The following ANXA8 variants were observed in gnomAD, a reference collection of about 807,000 sequenced individuals.
ANXA8 encodes the protein annexin A8, also known as VAC-beta.
In ANXA8, 9 loss-of-function variants were observed where a neutral mutation model predicts 26.8. That is an observed-to-expected ratio of 0.34 (90% CI 0.20 to 0.59). The LOEUF is 0.59. Ranked by LOEUF, ANXA8 falls within the 20% of genes least tolerant of loss-of-function variation. The pLI is 0.84. For synonymous variants in ANXA8, 39 were observed against 94.8 expected (o/e 0.41, Z 3.42); for missense variants, 83 against 238.5 (o/e 0.35, Z 4.29).
chr10:47,746,451 T>C, the ANXA8 span, among the ~76,000 whole-genome samples: 4 of 63,016 alleles, frequency 6.3e-5, no homozygotes, highest in African/African-American at 9.6e-5. Flanking sequence ...GATCATGCCA[T>C]TGCACTCCAG....
At chr10:47,985,126 TA>T in the ANXA8 span, among the ~76,000 whole-genome samples, 9 of 144,208 alleles carry the variant, frequency 6.2e-5, no homozygotes, top group East Asian at 6.1e-4. Context: ...AACTCAACAG[TA>T]AAAAAAAAAA....
At chr10:47,636,385 T>G in the ANXA8 span, among the ~76,000 whole-genome samples, 857 of 142,928 alleles carry the variant, frequency 6.0e-3, 12 homozygotes, top group Non-Finnish European at 5.3e-3. Context: ...AAAAAGAAAA[T>G]CATGTTTCTG....
At chr10:47,651,729 T>C in the ANXA8 span, among the ~76,000 whole-genome samples, 3 of 151,518 alleles carry the variant, frequency 2.0e-5, no homozygotes, top group African/African-American at 7.3e-5. Context: ...ACCCCATCTC[T>C]ACTAAAAATA....
chr10:47,952,339 A>G, the ANXA8 span, among the ~76,000 whole-genome samples: 1 of 151,232 alleles, frequency 6.6e-6, no homozygotes, highest in Admixed American at 6.6e-5. Context: ...GAATCCATTC[A>G]TAGAAGAAAT....
chr10:47,488,614 T>G (rs1485322492), upstream of ANXA8, among the ~76,000 whole-genome samples: 1 of 150,304 alleles, frequency 6.7e-6, no homozygotes, highest in Non-Finnish European at 1.5e-5. Flanking sequence ...GGAATCTATT[T>G]TGTTGAAAAG....
the ANXA8 span, among the ~76,000 whole-genome samples, chr10:47,594,034 C>G: frequency 1.4e-5 from 2 of 146,570 alleles, no homozygotes; most frequent in Non-Finnish European, 3.0e-5. Flanking sequence ...GGACTTACAC[C>G]AGTGGTTTGC....
chr10:47,768,476 C>A, the ANXA8 span, among the ~76,000 whole-genome samples: 1 of 151,114 alleles, frequency 6.6e-6, no homozygotes, highest in East Asian at 2.0e-4. Flanking sequence ...GGCTGAGAAC[C>A]TGCTGGACAA....
chr10:47,652,083 T>C, the ANXA8 span, among the ~76,000 whole-genome samples: 3 of 151,500 alleles, frequency 2.0e-5, no homozygotes, highest in Non-Finnish European at 2.9e-5. Context: ...ATGAAATGTT[T>C]AGAACAGGAA....
chr10:47,681,930 C>T, the ANXA8 span, among the ~76,000 whole-genome samples: 8 of 124,400 alleles, frequency 6.4e-5, no homozygotes, highest in South Asian at 1.7e-3. Flanking sequence ...CGACCTTAGG[C>T]GTGACATTGG....
At chr10:47,900,666 G>T in the ANXA8 span, among the ~76,000 whole-genome samples, 158 of 105,540 alleles carry the variant, frequency 1.5e-3, no homozygotes, top group African/African-American at 5.2e-3. Context: ...TGATAAAATG[G>T]TTTTTTTTTT....
At chr10:47,626,808 A>T in the ANXA8 span, among the ~76,000 whole-genome samples, 18 of 150,300 alleles carry the variant, frequency 1.2e-4, no homozygotes, top group Non-Finnish European at 2.2e-4. Context: ...AGGTAATCAG[A>T]GGAAGGAAGA....
the ANXA8 span, among the ~76,000 whole-genome samples, chr10:47,604,591 AT>A: frequency 6.6e-6 from 1 of 150,798 alleles, no homozygotes; most frequent in South Asian, 2.1e-4. Flanking sequence ...CTGAGATTTA[AT>A]CCAGTAGTCT....
chr10:47,649,396 G>C, the ANXA8 span, among the ~76,000 whole-genome samples: 8,660 of 150,646 alleles, frequency 0.057, 600 homozygotes, highest in African/African-American at 0.2. Context: ...AGATAAATTG[G>C]ACTTTATTAA....
the ANXA8 span, among the ~76,000 whole-genome samples, chr10:47,967,206 C>T: frequency 6.7e-6 from 1 of 150,304 alleles, no homozygotes; most frequent in South Asian, 2.1e-4. Context: ...CCTGGCCTCA[C>T]TCTCCAGAGG....
chr10:47,948,005 T>G, the ANXA8 span, among the ~76,000 whole-genome samples: 2 of 150,984 alleles, frequency 1.3e-5, 1 homozygote, highest in East Asian at 4.1e-4. Flanking sequence ...GAAAATCTGG[T>G]GCGTTCAGTT....
At chr10:47,652,215 G>T in the ANXA8 span, among the ~76,000 whole-genome samples, 1 of 151,988 alleles carries the variant, frequency 6.6e-6, no homozygotes, top group African/African-American at 2.4e-5. Flanking sequence ...AATTAGTGTA[G>T]ATGGTTGCAA....
At chr10:47,918,356 G>GGAGAGAGAGAGAGAGAGA in the ANXA8 span, among the ~76,000 whole-genome samples, 1 of 17,744 alleles carries the variant, frequency 5.6e-5, no homozygotes, top group African/African-American at 3.5e-4. Context: ...GGGGAGGGAG[G>GGAGAGAGAGAGAGAGAGA]GAGAGAGAGA....
the ANXA8 span, among the ~76,000 whole-genome samples, chr10:47,686,428 G>T: frequency 0.34 from 51,447 of 150,796 alleles, 8,985 homozygotes; most frequent in East Asian, 0.53. Flanking sequence ...CCTAGGCTAG[G>T]CTTGAACTCC....
chr10:47,522,025 G>A, the ANXA8 span, among the ~76,000 whole-genome samples: 1 of 150,592 alleles, frequency 6.6e-6, no homozygotes, highest in African/African-American at 2.5e-5. Context: ...GACCTCAGGT[G>A]ATCCGCCTGC....
Sources: allele counts gnomAD v4.1 joint callset (sites outside exome capture counted in the v4.1 genomes callset), GRCh38; gene constraint gnomAD v4.1.1; transcripts MANE v1.5; gene names NCBI Gene and HGNC (gene_info 2026-07-23, HGNC 2026-07-21).